ATP5MJ: variants seen among roughly 807,000 people sequenced by gnomAD.
The protein encoded by ATP5MJ is ATP synthase F(0) complex subunit j, mitochondrial.
In ATP5MJ, 4 loss-of-function variants were observed where a neutral mutation model predicts 8.3. The ratio of observed to expected loss-of-function variants is 0.48; its 90% CI spans 0.24 to 1.11. ATP5MJ has a LOEUF of 1.11. Ranked by LOEUF, ATP5MJ falls within the 50% of genes least tolerant of loss-of-function variation. The pLI is 0.18. For synonymous variants in ATP5MJ, 23 were observed against 21.3 expected (o/e 1.08, Z -0.23); for missense variants, 66 against 71.8 (o/e 0.92, Z 0.29).
At chr14:103,921,113 T>TGTG in intron 1 of ATP5MJ, 1 of 1,351,830 alleles carries the variant, frequency 7.4e-7, no homozygotes, top group Non-Finnish European at 1.0e-6. Flanking sequence ...AGGGACTGGA[T>TGTG]GTGGAGTCAG....
intron 1 of ATP5MJ, among the ~76,000 whole-genome samples, chr14:103,917,203 T>C (rs1030923516): frequency 2.0e-5 from 3 of 152,228 alleles, no homozygotes; most frequent in African/African-American, 7.2e-5. Flanking sequence ...ACTTACTAGC[T>C]AACTTAAACC....
intron 1 of ATP5MJ, among the ~76,000 whole-genome samples, chr14:103,917,047 A>G (rs1436657978): frequency 6.6e-6 from 1 of 152,166 alleles, no homozygotes; most frequent in East Asian, 1.9e-4. Flanking sequence ...GGTGCCAGAC[A>G]TTGTTTTAGG....
intron 1 of ATP5MJ, 139 bp from the exon 2 acceptor site, chr14:103,915,328 T>C: frequency 1.1e-6 from 1 of 916,030 alleles, no homozygotes. Flanking sequence ...TCAGACCCGT[T>C]CTGCACTCAC....
chr14:103,919,499 A>C (rs1276342456), intron 1 of ATP5MJ, among the ~76,000 whole-genome samples: 1 of 152,122 alleles, frequency 6.6e-6, no homozygotes, highest in East Asian at 1.9e-4. Flanking sequence ...AACAAGAAGG[A>C]AGGCTTAAAA....
At chr14:103,918,707 G>A (rs1472433648) in intron 1 of ATP5MJ, among the ~76,000 whole-genome samples, 1 of 152,146 alleles carries the variant, frequency 6.6e-6, no homozygotes, top group South Asian at 2.1e-4. Flanking sequence ...CCTGCCCCCA[G>A]AGGGCTGTCA....
At chr14:103,918,915 G>C (rs1212402822) in intron 1 of ATP5MJ, among the ~76,000 whole-genome samples, 11 of 151,932 alleles carry the variant, frequency 7.2e-5, no homozygotes, top group Non-Finnish European at 1.6e-4. Context: ...CCAGCTACTC[G>C]GAAGGCCGAG....
chr14:103,917,555 G>A (rs1439360245), intron 1 of ATP5MJ, among the ~76,000 whole-genome samples: 1 of 151,950 alleles, frequency 6.6e-6, no homozygotes, highest in Non-Finnish European at 1.5e-5. Context: ...TGGGATTCGA[G>A]GGCAGCTGGT....
rs558009275 is a variant in ATP5MJ, at chr14:103,914,721, G to A, written c.124+345C>T. 8.4e-5 allele frequency: 46 copies of A among 545,504 alleles called. No individual in the cohort carries two copies. In the Admixed American group the frequency reaches 9.8e-4, roughly 12 times the overall value. 33.8% of individuals were successfully genotyped at this position (545,504 alleles called of 1,614,324 possible). On this transcript the variant is annotated intron_variant, in intron 2 of 3. Coordinates refer to ENST00000286953, the MANE Select transcript of ATP5MJ (RefSeq NM_004894.3). The stretch of plus-strand genomic sequence containing the variant: ...GGGCACCTGTGGTCCTAGCTACTTG[G>A]CAGGCTGAGGTGGGAGAATCACCTG...
rs1309957227 is a variant in ATP5MJ, at chr14:103,914,370, T to C, written c.125-386A>G. On this transcript the variant is annotated intron_variant, in intron 2 of 3. Coordinates refer to ENST00000286953, the MANE Select transcript of ATP5MJ (RefSeq NM_004894.3). ...AACAAATTTCAAATATTCAGAACAG[T>C]TGAAAAGGTGCAATGAAATACCACA... 2.0e-5 allele frequency: 11 copies of C among 540,176 alleles called. 1 individual carries two copies. The highest frequency in any genetic ancestry group is 1.2e-4 in the South Asian group (4 of 34,028). The allele number at this position is 540,176 out of a possible 1,614,324, so 33.5% of individuals were successfully genotyped here. A position where few individuals can be genotyped will look rare whatever the true frequency, so the allele number is the denominator to read the frequency against.
intron 1 of ATP5MJ, among the ~76,000 whole-genome samples, chr14:103,920,590 G>A (rs1190614061): frequency 1.3e-5 from 2 of 149,668 alleles, no homozygotes; most frequent in Non-Finnish European, 3.0e-5. Context: ...TCCTGCCTCA[G>A]CCTCCCGAGT....
chr14:103,918,640 G>A (rs1411797565), intron 1 of ATP5MJ, among the ~76,000 whole-genome samples: 1 of 152,064 alleles, frequency 6.6e-6, no homozygotes, highest in Admixed American at 6.6e-5. Flanking sequence ...GATTACAGGC[G>A]TGGGCCACCA....
At chr14:103,918,852 C>T (rs1228262591) in intron 1 of ATP5MJ, among the ~76,000 whole-genome samples, 1 of 151,932 alleles carries the variant, frequency 6.6e-6, no homozygotes, top group African/African-American at 2.4e-5. Flanking sequence ...GAAACCCCGT[C>T]TCTACTAAAA....
intron 1 of ATP5MJ, among the ~76,000 whole-genome samples, chr14:103,916,882 T>C (rs1451741047): frequency 6.6e-6 from 1 of 152,154 alleles, no homozygotes; most frequent in Non-Finnish European, 1.5e-5. Context: ...GTGTGCTCCC[T>C]TTCCCACACT....
chr14:103,914,837 CAAAAAAA>C (rs35916279), intron 2 of ATP5MJ: 38 of 191,036 alleles, frequency 2.0e-4, no homozygotes, highest in Middle Eastern at 3.0e-3. Flanking sequence ...AGACTGTCTC[CAAAAAAA>C]AAAAAAAAAA....
chr14:103,917,566 G>A (rs2087635362), intron 1 of ATP5MJ, among the ~76,000 whole-genome samples: 1 of 152,010 alleles, frequency 6.6e-6, no homozygotes, highest in African/African-American at 2.4e-5. Context: ...GGCAGCTGGT[G>A]GGGGCTGCAG....
At chr14:103,920,965 G>GT in intron 1 of ATP5MJ, 1 of 1,551,662 alleles carries the variant, frequency 6.4e-7, no homozygotes, top group East Asian at 2.4e-5. Flanking sequence ...GGAAATGTCT[G>GT]ACCCGCGAGT....
At chr14:103,914,077 T>G in intron 2 of ATP5MJ, 93 bp from the exon 3 acceptor site, 2 of 1,178,116 alleles carry the variant, frequency 1.7e-6, no homozygotes, top group Non-Finnish European at 2.4e-6. Flanking sequence ...GCATTGTAGC[T>G]TAGGTAAAGC....
In ATP5MJ at chr14:103,912,506, C is replaced by T. The variant is rs2087588170; in HGVS notation, c.*160G>A. ...AGGGGGAACACACTGAAAGCAGTAC[C>T]AGGTAGCAGTGCATCTCACAGATCC... On this transcript the variant is annotated 3_prime_UTR_variant, in exon 4 of 4. Coordinates refer to ENST00000286953, the MANE Select transcript of ATP5MJ (RefSeq NM_004894.3). The T allele has an allele frequency of 1.3e-6, 1 of 747,016 alleles. No individual in the cohort carries two copies. Among genetic ancestry groups the T allele is most frequent in the Non-Finnish European group, 2.3e-6 (1 of 437,350 alleles). The allele number at this position is 747,016 out of a possible 1,614,324, so 46.3% of individuals were successfully genotyped here.
chr14:103,919,639 C>T (rs1412352611), intron 1 of ATP5MJ, among the ~76,000 whole-genome samples: 2 of 152,110 alleles, frequency 1.3e-5, no homozygotes, highest in Non-Finnish European at 2.9e-5. Context: ...GAAACTGAGT[C>T]ATGCTGACAT....
Sources: allele counts gnomAD v4.1 joint callset (sites outside exome capture counted in the v4.1 genomes callset), GRCh38; gene constraint gnomAD v4.1.1; transcripts MANE v1.5; gene names NCBI Gene and HGNC (gene_info 2026-07-23, HGNC 2026-07-21).